The following PDE11A variants were observed in gnomAD, a reference collection of about 807,000 sequenced individuals.
The protein encoded by PDE11A is phosphodiesterase 11A, also known as dual 3',5'-cyclic-AMP and -GMP phosphodiesterase 11A.
PDE11A carries 100 observed loss-of-function variants against 100.5 expected under a neutral mutation model. The ratio of observed to expected loss-of-function variants is 1.00; its 90% CI spans 0.85 to 1.18. PDE11A has a LOEUF of 1.18. Ranked by LOEUF, PDE11A falls within the 50% of genes most tolerant of loss-of-function variation. The probability of loss-of-function intolerance (pLI) is 0.00; values close to 1 mark genes in which losing one functional copy is unlikely to be tolerated. For synonymous variants in PDE11A, 381 were observed against 420.8 expected (o/e 0.91, Z 1.16); for missense variants, 1,141 against 1,152.6 (o/e 0.99, Z 0.15).
intron 5 of PDE11A, among the ~76,000 whole-genome samples, chr2:177,861,647 A>T (rs2083947419): frequency 6.6e-6 from 1 of 151,942 alleles, no homozygotes; most frequent in Admixed American, 6.6e-5. Flanking sequence ...AAAAAGTCAA[A>T]GGACTCACAC....
At chr2:178,073,506 A>T (rs2087165834), upstream of PDE11A, among the ~76,000 whole-genome samples, 2 of 152,198 alleles carry the variant, frequency 1.3e-5, no homozygotes, top group Non-Finnish European at 2.9e-5. Context: ...GAGACCAGCT[A>T]GGAGACAGTA....
chr2:177,759,939 G>C (rs2082146718), intron 10 of PDE11A, among the ~76,000 whole-genome samples: 1 of 152,046 alleles, frequency 6.6e-6, no homozygotes, highest in Non-Finnish European at 1.5e-5. Context: ...ATGCTTATTT[G>C]ACCCCCAAAA....
intron 4 of PDE11A, among the ~76,000 whole-genome samples, chr2:177,894,638 T>A (rs753756249): frequency 6.6e-6 from 1 of 152,150 alleles, no homozygotes; most frequent in Non-Finnish European, 1.5e-5. Context: ...ATAGAGATCA[T>A]AAGACTCACG....
At chr2:177,965,988 G>C (rs935029589) in intron 2 of PDE11A, among the ~76,000 whole-genome samples, 1 of 152,184 alleles carries the variant, frequency 6.6e-6, no homozygotes, top group African/African-American at 2.4e-5. Context: ...CAATCCATAA[G>C]CATGGAATGT....
chr2:178,012,210 A>G (rs955509008), intron 2 of PDE11A, among the ~76,000 whole-genome samples: 1 of 152,188 alleles, frequency 6.6e-6, no homozygotes, highest in Admixed American at 6.6e-5. Context: ...TAGAGGCTGG[A>G]AGATAAAATG....
intron 2 of PDE11A, among the ~76,000 whole-genome samples, chr2:177,949,173 A>G (rs2085477470): frequency 6.6e-6 from 1 of 152,216 alleles, no homozygotes; most frequent in Non-Finnish European, 1.5e-5. Flanking sequence ...AGCTAAAATC[A>G]GTCATCCTAA....
chr2:177,956,957 C>T (rs573874054), intron 2 of PDE11A, among the ~76,000 whole-genome samples: 14 of 151,758 alleles, frequency 9.2e-5, no homozygotes, highest in Non-Finnish European at 1.6e-4. Context: ...ATGTAAATGA[C>T]GAGTTAATGG....
At chr2:177,944,840 G>A (rs796919003) in intron 2 of PDE11A, among the ~76,000 whole-genome samples, 5 of 45,166 alleles carry the variant, frequency 1.1e-4, no homozygotes, top group Admixed American at 3.1e-4. Flanking sequence ...CTCCCTCTCC[G>A]TCTCCCTCTC....
At position 177,624,211 on chromosome 2, in the gene PDE11A, A is replaced by G. The variant is rs2079800567; in HGVS notation, c.*5196T>C. ...CATTGCCAGAGTTTTTAGGGTCCCA[A>G]ATTAGGTTTTGTTCTGTTGCTTTAA... On this transcript the variant is annotated 3_prime_UTR_variant, in exon 20 of 20. Coordinates refer to ENST00000286063, the MANE Select transcript of PDE11A (RefSeq NM_016953.4). 6.6e-6 allele frequency: 1 copy of G among 151,088 alleles called. No homozygotes were observed. 9.4% of individuals were successfully genotyped at this position (151,088 alleles called of 1,614,324 possible).
chr2:177,702,293 C>A (rs112520265), intron 13 of PDE11A, among the ~76,000 whole-genome samples: 1 of 148,320 alleles, frequency 6.7e-6, no homozygotes, highest in Non-Finnish European at 1.5e-5. Flanking sequence ...CCAGCCTGGG[C>A]GACAGAGTGA....
chr2:177,728,357 A>C (rs1441039187), intron 10 of PDE11A, among the ~76,000 whole-genome samples, 185 bp from the exon 11 acceptor site: 1 of 121,278 alleles, frequency 8.2e-6, no homozygotes, highest in Non-Finnish European at 1.7e-5. Context: ...CCCCAAGCAA[A>C]TGAAGGTGGG....
At position 177,729,439 on chromosome 2, in the gene PDE11A, T is replaced by G. The variant is rs148505556; in HGVS notation, c.1789-1267A>C. On this transcript the variant is annotated intron_variant, in intron 10 of 19. Transcript: ENST00000286063. The stretch of plus-strand genomic sequence containing the variant: ...TGTGGGGATGCCTTTCTCTCTTTCT[T>G]TTGTTTCTCTAGCCCACATCTTTCT... Among the ~76,000 whole-genome samples, 531 of 152,306 alleles carry G rather than the reference T, an allele frequency of 3.5e-3. 4 individuals are homozygous for G. The highest frequency in any genetic ancestry group is 0.012 in the African/African-American group (490 of 41,566).
intron 19 of PDE11A, among the ~76,000 whole-genome samples, chr2:177,632,125 T>C (rs2079959946): frequency 6.6e-6 from 1 of 152,174 alleles, no homozygotes; most frequent in Non-Finnish European, 1.5e-5. Flanking sequence ...AGAATGAAGA[T>C]ATAGAGAAAT....
At chr2:178,009,156 T>C (rs2105823749) in intron 2 of PDE11A, among the ~76,000 whole-genome samples, 1 of 152,282 alleles carries the variant, frequency 6.6e-6, no homozygotes, top group South Asian at 2.1e-4. Flanking sequence ...AAATGTTTGC[T>C]CCTATCGAGG....
chr2:177,752,903 T>A (rs537799795), intron 10 of PDE11A, among the ~76,000 whole-genome samples: 1 of 152,260 alleles, frequency 6.6e-6, no homozygotes, highest in Non-Finnish European at 1.5e-5. Context: ...TAAGTTAATA[T>A]GTTTGCCCAT....
intron 6 of PDE11A, among the ~76,000 whole-genome samples, chr2:177,830,811 C>A (rs1383896465): frequency 6.6e-6 from 1 of 151,654 alleles, no homozygotes; most frequent in Non-Finnish European, 1.5e-5. Context: ...ACAGATGACC[C>A]ATAAACATGA....
In PDE11A at chr2:177,856,712, T is replaced by C. The variant is rs114616905; in HGVS notation, c.1368-16329A>G. Among the ~76,000 whole-genome samples the C allele has an allele frequency of 4.2e-3, 641 of 152,116 alleles. 9 individuals carry two copies. Among genetic ancestry groups the C allele is most frequent in the African/African-American group, 0.015 (610 of 41,528 alleles). On this transcript the variant is annotated intron_variant, in intron 5 of 19. Coordinates refer to ENST00000286063, the MANE Select transcript of PDE11A (RefSeq NM_016953.4). ...TTTGAAAAGGCAGAAAAAAGCATCA[T>C]TGAACTTGAAGATAGGTCAATTCAA...
At chr2:177,631,809 G>T (rs757784999) in intron 19 of PDE11A, among the ~76,000 whole-genome samples, 1 of 151,546 alleles carries the variant, frequency 6.6e-6, no homozygotes, top group Middle Eastern at 3.2e-3. Flanking sequence ...GGCATCCCAC[G>T]TGGATGAGGG....
chr2:177,701,089 T>G (rs1467306066), intron 14 of PDE11A, 32 bp downstream of exon 14: 18 of 1,218,514 alleles, frequency 1.5e-5, no homozygotes, highest in Non-Finnish European at 2.0e-5. Context: ...TTGGTTTCTG[T>G]TAAGGGGAGA....
Sources: allele counts gnomAD v4.1 joint callset (sites outside exome capture counted in the v4.1 genomes callset), GRCh38; gene constraint gnomAD v4.1.1; transcripts MANE v1.5; gene names NCBI Gene and HGNC (gene_info 2026-07-23, HGNC 2026-07-21).